The following ECRG4 variants were observed in gnomAD, a reference collection of about 807,000 sequenced individuals.
The protein encoded by ECRG4 is augurin.
ECRG4 carries 18 observed loss-of-function variants against 15.8 expected under a neutral mutation model. That is an observed-to-expected ratio of 1.14 (90% CI 0.79 to 1.69). The LOEUF is 1.69. Among genes scored for constraint, ECRG4 ranks in the 40% most tolerant of loss-of-function variants. The pLI, the probability that ECRG4 is intolerant of heterozygous loss-of-function variation, is 0.00. For synonymous variants in ECRG4, 82 were observed against 73.9 expected (o/e 1.11, Z -0.56); for missense variants, 200 against 190.9 (o/e 1.05, Z -0.28).
At chr2:106,075,344 G>T (rs1273537925) in intron 3 of ECRG4, among the ~76,000 whole-genome samples, 1 of 152,232 alleles carries the variant, frequency 6.6e-6, no homozygotes, top group Non-Finnish European at 1.5e-5. Context: ...GTATATGTTT[G>T]CTTACTTGAT....
chr2:106,071,000 G>C (rs13014521), intron 1 of ECRG4: 49,658 of 471,132 alleles, frequency 0.11, 3,288 homozygotes, highest in Non-Finnish European at 0.13. Flanking sequence ...TATCAGGCCA[G>C]ACAAGGTATT....
intron 1 of ECRG4, among the ~76,000 whole-genome samples, chr2:106,068,031 A>G (rs538232417): frequency 6.6e-6 from 1 of 150,658 alleles, no homozygotes; most frequent in African/African-American, 2.4e-5. Flanking sequence ...TTTTTAGTAG[A>G]GATGAGTCTC....
chr2:106,072,703 G>C (rs919613552), intron 2 of ECRG4, among the ~76,000 whole-genome samples: 1 of 152,172 alleles, frequency 6.6e-6, no homozygotes, highest in African/African-American at 2.4e-5. Flanking sequence ...GAACAGGCTT[G>C]GGGCGGTCCC....
chr2:106,074,024 A>G lies in ECRG4; in HGVS notation c.266A>G (p.Tyr89Cys), dbSNP rs1436648413. 1.2e-6 allele frequency: 2 copies of G among 1,613,350 alleles called. No individual in the cohort carries two copies. Among genetic ancestry groups the G allele is most frequent in the East Asian group, 2.2e-5 (1 of 44,882 alleles). Residue 89 changes from tyrosine to cysteine, a missense_variant, in exon 3 of 4, where the codon TAC becomes TGC. Physicochemically the swap from Tyr to Cys is radical, Grantham distance 194 (BLOSUM62 -2). Transcript: ENST00000238044. ...CAGCAGTGGTACCAGCAGTTTCTCT[A>G]CATGGGCTTTGACGAAGCGGTAGGT... ...EVQQWYQQFL[Y>C]MGFDEAKFED...
At chr2:106,066,677 A>C (rs1029485253) in intron 1 of ECRG4, among the ~76,000 whole-genome samples, 3 of 152,192 alleles carry the variant, frequency 2.0e-5, no homozygotes, top group Non-Finnish European at 4.4e-5. Context: ...TGACTTGCCC[A>C]AGAGCCTGAG....
At chr2:106,072,848 C>T (rs1413306096) in intron 2 of ECRG4, among the ~76,000 whole-genome samples, 2 of 152,322 alleles carry the variant, frequency 1.3e-5, no homozygotes, top group Admixed American at 6.5e-5. Context: ...GGATCAACAA[C>T]GCCCTCACAG....
chr2:106,070,356 G>A (rs1676335792), intron 1 of ECRG4, among the ~76,000 whole-genome samples: 1 of 152,190 alleles, frequency 6.6e-6, no homozygotes, highest in Non-Finnish European at 1.5e-5. Flanking sequence ...CAGGCTCCCT[G>A]GATGGCCCAA....
chr2:106,070,562 G>A (rs1384721265), intron 1 of ECRG4, among the ~76,000 whole-genome samples: 1 of 152,204 alleles, frequency 6.6e-6, no homozygotes, highest in East Asian at 1.9e-4. Context: ...CTTGTTTATG[G>A]ATATATTCTT....
At chr2:106,067,727 C>T (rs1001557498) in intron 1 of ECRG4, among the ~76,000 whole-genome samples, 1 of 152,140 alleles carries the variant, frequency 6.6e-6, no homozygotes, top group African/African-American at 2.4e-5. Flanking sequence ...AGGTGATCCA[C>T]CAATCTTGGC....
rs376074200 is a variant in ECRG4, at chr2:106,068,156, C to T, written c.79+2313C>T. ...CACCACGCCCTTCCTCACTCACAAA[C>T]ATTTAATAAAGAAAATGACCGTGAC... On this transcript the variant is annotated intron_variant, in intron 1 of 3. Coordinates refer to ENST00000238044, the MANE Select transcript of ECRG4 (RefSeq NM_032411.3). Among the ~76,000 whole-genome samples, 35 of 152,198 alleles carry T rather than the reference C, an allele frequency of 2.3e-4. No homozygotes were observed. In the South Asian group the frequency reaches 6.8e-3, roughly 30 times the overall value.
In ECRG4 at chr2:106,065,710, TC is replaced by T; in HGVS notation, c.-52del. The T allele has an allele frequency of 7.3e-7, 1 of 1,367,340 alleles. No individual in the cohort carries two copies. The highest frequency in any genetic ancestry group is 1.5e-5 in the African/African-American group (1 of 65,646). 84.7% of individuals were successfully genotyped at this position (1,367,340 alleles called of 1,614,324 possible). A position where few individuals can be genotyped will look rare whatever the true frequency, so the allele number is the denominator to read the frequency against. On this transcript the variant is annotated 5_prime_UTR_variant, in exon 1 of 4. Coordinates refer to ENST00000238044, the MANE Select transcript of ECRG4 (RefSeq NM_032411.3). ...CGCACCCCTCTCCCGCGCCCGGTTC[TC>T]CCTCGCAGCACCTCGAAGTGCGCCC...
In ECRG4 at chr2:106,078,134, A is replaced by G; in HGVS notation, c.*208A>G. On this transcript the variant is annotated 3_prime_UTR_variant, in exon 4 of 4. Coordinates refer to ENST00000238044, the MANE Select transcript of ECRG4 (RefSeq NM_032411.3). ...TGCCTCTCATTTAAAAATAGAAATA[A>G]AGCATTTTGTTAAAAAGAAAAGTCT... 1 of 432,400 alleles carries G rather than the reference A, an allele frequency of 2.3e-6. No individual in the cohort carries two copies. Among genetic ancestry groups the G allele is most frequent in the African/African-American group, 2.0e-5 (1 of 49,472 alleles). 26.8% of individuals were successfully genotyped at this position (432,400 alleles called of 1,614,324 possible).
chr2:106,063,643 C>T (rs140556108), upstream of ECRG4, among the ~76,000 whole-genome samples: 482 of 152,258 alleles, frequency 3.2e-3, 4 homozygotes, highest in Middle Eastern at 0.017. Context: ...AGTGCAGTGG[C>T]GCAATCTCGG....
At chr2:106,065,900 G>C in intron 1 of ECRG4, 57 bp downstream of exon 1, 3 of 1,399,074 alleles carry the variant, frequency 2.1e-6, no homozygotes, top group Non-Finnish European at 2.8e-6. Flanking sequence ...GCCCCATGTG[G>C]CGCTTCCATG....
intron 1 of ECRG4, among the ~76,000 whole-genome samples, chr2:106,071,182 T>C (rs1265424175): frequency 6.6e-6 from 1 of 151,974 alleles, no homozygotes; most frequent in Non-Finnish European, 1.5e-5. Flanking sequence ...CTGACTCCCA[T>C]TTCTGCCTGC....
intron 1 of ECRG4, among the ~76,000 whole-genome samples, chr2:106,071,162 G>A (rs964257271): frequency 1.3e-5 from 2 of 151,942 alleles, no homozygotes; most frequent in African/African-American, 4.8e-5. Context: ...GTTCCCCAGT[G>A]TGTGGGAGCC....
intron 1 of ECRG4, among the ~76,000 whole-genome samples, chr2:106,068,528 C>T (rs1056073602): frequency 3.9e-5 from 6 of 152,132 alleles, no homozygotes; most frequent in African/African-American, 1.2e-4. Context: ...TAAGGTTTGG[C>T]GAGGCTCTCA....
In ECRG4 at chr2:106,065,834, T is replaced by A. The variant is rs1352455153; in HGVS notation, c.70T>A (p.Trp24Arg). 6.7e-7 allele frequency: 1 copy of A among 1,482,188 alleles called. No individual in the cohort carries two copies. Among genetic ancestry groups the A allele is most frequent in the African/African-American group, 1.5e-5 (1 of 68,232 alleles). The allele number at this position is 1,482,188 out of a possible 1,614,324, so 91.8% of individuals were successfully genotyped here. Reference protein sequence around the residue: ...TGLALLLLLCWGPGGISGNKL... With the variant: ...TGLALLLLLCRGPGGISGNKL... ...GCTGGCGCTGCTCCTGCTCCTGTGC[T>A]GGGGCCCAGGTGAGCGGGGCGATGC... The change falls in exon 1 of 4, where the codon TGG (tryptophan) becomes AGG (arginine). Residue 24 changes from tryptophan to arginine, a missense_variant. Trp to Arg is a moderately radical substitution (Grantham distance 101). Coordinates refer to ENST00000238044, the MANE Select transcript of ECRG4 (RefSeq NM_032411.3).
At chr2:106,064,838 T>G (rs1043954912), upstream of ECRG4, among the ~76,000 whole-genome samples, 14 of 152,132 alleles carry the variant, frequency 9.2e-5, 1 homozygote, top group Non-Finnish European at 2.9e-5. Flanking sequence ...CAGAGTCCGT[T>G]GGGATAAAGT....
Sources: gnomAD v4.1 joint callset for allele counts (sites outside exome capture counted in the v4.1 genomes callset) on GRCh38, gnomAD v4.1.1 for gene constraint, MANE v1.5 for transcripts, NCBI Gene and HGNC (gene_info 2026-07-23, HGNC 2026-07-21) for gene names.